Variants in WDR17 observed in about 807,000 individuals in gnomAD.
WDR17 encodes WD repeat-containing protein 17.
A neutral mutation model predicts 161.7 loss-of-function variants in WDR17; 143 were observed. That is an observed-to-expected ratio of 0.88 (90% CI 0.77 to 1.02). The LOEUF is 1.02. Ranked by LOEUF, WDR17 falls within the 50% of genes least tolerant of loss-of-function variation. The pLI is 0.00. For synonymous variants in WDR17, 517 were observed against 515.6 expected (o/e 1.00, Z -0.04); for missense variants, 1,469 against 1,520.9 (o/e 0.97, Z 0.57).
intron 18 of WDR17, among the ~76,000 whole-genome samples, chr4:176,157,595 G>T (rs955874975): frequency 2.0e-5 from 3 of 152,106 alleles, no homozygotes; most frequent in African/African-American, 7.2e-5. Context: ...AGTCAAGTTA[G>T]CAGAGGATAT....
chr4:176,116,129 G>A (rs1740585881), intron 3 of WDR17, 150 bp downstream of exon 3: 3 of 743,804 alleles, frequency 4.0e-6, no homozygotes, highest in South Asian at 5.1e-5. Context: ...AATGACTCAT[G>A]CCCATAGGTA....
chr4:176,082,834 G>C (rs975833457), intron 1 of WDR17, among the ~76,000 whole-genome samples: 3 of 150,858 alleles, frequency 2.0e-5, no homozygotes, highest in Non-Finnish European at 4.5e-5. Flanking sequence ...TTAAGTCTTA[G>C]GAAATAGCAA....
chr4:176,106,076 T>C (rs1259668700), intron 1 of WDR17, among the ~76,000 whole-genome samples: 3 of 152,006 alleles, frequency 2.0e-5, no homozygotes, highest in Admixed American at 2.0e-4. Context: ...ATAACCTAGA[T>C]GAAATGGGCA....
Position 176,174,636 on chromosome 4 carries a change from A to T in WDR17, c.3367A>T (p.Ile1123Leu). Reference protein sequence around the residue: ...TCTEARNELLILCGYIGALLA... With the variant: ...TCTEARNELLLLCGYIGALLA... Reference sequence around the variant, plus strand: ...TTTTAGAGCTCGAAATGAGTTGCTGATATTATGTGGTTACATTGGTGCATT... The same window carrying T: ...TTTTAGAGCTCGAAATGAGTTGCTGTTATTATGTGGTTACATTGGTGCATT... The change falls in exon 26 of 29, where the codon ATA becomes TTA. Residue 1123 changes from isoleucine (I) to leucine (L), a missense_variant. By Grantham distance (5) the Ile-to-Leu change is conservative. Transcript: ENST00000508596. The T allele has an allele frequency of 6.2e-7, 1 of 1,609,618 alleles. No individual in the cohort carries two copies. The highest frequency in any genetic ancestry group is 1.3e-5 in the African/African-American group (1 of 74,936).
At chr4:176,081,493 A>G (rs1313324448) in intron 1 of WDR17, among the ~76,000 whole-genome samples, 1 of 152,042 alleles carries the variant, frequency 6.6e-6, no homozygotes, top group Non-Finnish European at 1.5e-5. Flanking sequence ...ATATGTGTTC[A>G]TTCTCTATTA....
rs750824932 is a variant in WDR17 at position 176,142,011 on chromosome 4, C to T, written c.1471C>T (p.Leu491=). 1 of 1,607,872 alleles carries T rather than the reference C, an allele frequency of 6.2e-7. No homozygotes were observed. The highest frequency in any genetic ancestry group is 1.7e-5 in the Admixed American group (1 of 59,900). ...TATTCGAACAATTGATGGTAAAGTG[C>T]TACACAAATATAAACATCCAGCTGC... The part of the protein sequence containing the change: ...CIIRTIDGKV[L]HKYKHPAAVF... The change falls in exon 11 of 29, where the codon CTA becomes TTA. Residue 491 remains leucine, a synonymous_variant. Coordinates refer to ENST00000508596, the MANE Select transcript of WDR17 (RefSeq NM_181265.4).
Position 176,146,005 on chromosome 4 carries a change from G to A in WDR17, c.1540G>A (p.Ala514Thr), listed in dbSNP as rs755565678. ...TTGATGATATTTCAGAGACATGATAGCCACTGGCTGTGAAGACACAAATGT... is the reference window on the plus strand; with the variant it reads ...TTGATGATATTTCAGAGACATGATAACCACTGGCTGTGAAGACACAAATGT... ...DWSQNNKDMI[A>T]TGCEDTNVRV... The change falls in exon 12 of 29, where the codon GCC becomes ACC. Residue 514 changes from alanine (A) to threonine (T), a missense_variant. By Grantham distance (58) the Ala-to-Thr change is moderately conservative (BLOSUM62 0). Transcript: ENST00000508596. 11 of 1,613,170 alleles carry A rather than the reference G, an allele frequency of 6.8e-6. No individual in the cohort carries two copies. The highest frequency in any genetic ancestry group is 8.5e-6 in the Non-Finnish European group (10 of 1,179,450).
At chr4:176,141,147 G>A (rs1303788534) in intron 10 of WDR17, among the ~76,000 whole-genome samples, 1 of 151,490 alleles carries the variant, frequency 6.6e-6, no homozygotes, top group Non-Finnish European at 1.5e-5. Context: ...TAGGATAGTA[G>A]AGCTTTTATT....
intron 1 of WDR17, among the ~76,000 whole-genome samples, chr4:176,106,395 C>G (rs1738722947): frequency 1.3e-5 from 2 of 152,074 alleles, no homozygotes; most frequent in African/African-American, 4.8e-5. Flanking sequence ...CCAGTCTTAA[C>G]ATATGGTGCT....
chr4:176,152,155 C>CA (rs1371088273), intron 17 of WDR17, among the ~76,000 whole-genome samples, 188 bp downstream of exon 17: 2 of 151,310 alleles, frequency 1.3e-5, no homozygotes, highest in Admixed American at 6.6e-5. Flanking sequence ...ACAAAAATCA[C>CA]AAAAAATTAG....
chr4:176,068,535 G>A (rs1260464589), intron 1 of WDR17: 2 of 152,210 alleles, frequency 1.3e-5, no homozygotes, highest in Non-Finnish European at 2.9e-5. Flanking sequence ...AGGAGGCCCG[G>A]AGGTTGCAGT....
At chr4:176,100,806 T>A (rs1737700967) in intron 1 of WDR17, among the ~76,000 whole-genome samples, 2 of 152,266 alleles carry the variant, frequency 1.3e-5, no homozygotes, top group East Asian at 3.9e-4. Context: ...TGTATATGGA[T>A]GTCTAATTTT....
In WDR17 at chr4:176,148,153, A is replaced by G. The variant is rs769562530; in HGVS notation, c.1715A>G (p.Tyr572Cys). 19 of 1,613,822 alleles carry G rather than the reference A, an allele frequency of 1.2e-5. No homozygotes were observed. Among genetic ancestry groups the G allele is most frequent in the Middle Eastern group, 1.6e-4 (1 of 6,080 alleles). The stretch of plus-strand genomic sequence containing the variant: ...TTCAGTACCGTTCGAATCTGGGATT[A>G]TACTCAGGATGCTTGCATCAATATT... ...SDDGTVRIWD[Y>C]TQDACINILN... Residue 572 changes from tyrosine (Y) to cysteine (C), a missense_variant, in exon 13 of 29, where the codon TAT becomes TGT. Physicochemically the swap from Tyr to Cys is radical, Grantham distance 194 (BLOSUM62 -2). Transcript: ENST00000508596.
intron 23 of WDR17, among the ~76,000 whole-genome samples, chr4:176,169,537 T>C (rs1199335758): frequency 6.6e-6 from 1 of 152,234 alleles, no homozygotes; most frequent in African/African-American, 2.4e-5. Flanking sequence ...GTTTATAGCA[T>C]ATTTAGGAAG....
chr4:176,145,379 G>A (rs1746001740), intron 11 of WDR17, among the ~76,000 whole-genome samples: 1 of 152,040 alleles, frequency 6.6e-6, no homozygotes, highest in Non-Finnish European at 1.5e-5. Context: ...TATTTCCAGG[G>A]GCTTCATAGT....
intron 12 of WDR17, 143 bp downstream of exon 12, chr4:176,146,302 T>C: frequency 1.3e-6 from 1 of 798,892 alleles, no homozygotes; most frequent in East Asian, 3.1e-5. Context: ...GGCGTGATCG[T>C]GGTTTACTGC....
chr4:176,088,426 A>T (rs1040671687), intron 1 of WDR17, among the ~76,000 whole-genome samples: 1 of 152,206 alleles, frequency 6.6e-6, no homozygotes, highest in Non-Finnish European at 1.5e-5. Flanking sequence ...CTCTTTAAAA[A>T]AAAATTTCAA....
chr4:176,077,906 T>C (rs945693595), intron 1 of WDR17, among the ~76,000 whole-genome samples: 5 of 152,208 alleles, frequency 3.3e-5, no homozygotes, highest in Admixed American at 2.0e-4. Flanking sequence ...AGGTTCTTTT[T>C]CTAGTAGTGC....
intron 10 of WDR17, among the ~76,000 whole-genome samples, 167 bp from the exon 11 acceptor site, chr4:176,141,810 ATATACT>A (rs1340327967): frequency 5.3e-5 from 8 of 152,220 alleles, no homozygotes; most frequent in African/African-American, 1.2e-4. Context: ...AGAGTTGCAA[ATATACT>A]TATAATTGGT....
Sources: gnomAD v4.1 joint callset for allele counts (sites outside exome capture counted in the v4.1 genomes callset) on GRCh38, gnomAD v4.1.1 for gene constraint, MANE v1.5 for transcripts, NCBI Gene and HGNC (gene_info 2026-07-23, HGNC 2026-07-21) for gene names.